The following SPIDR variants were observed in gnomAD, a reference collection of about 807,000 sequenced individuals.
The protein encoded by SPIDR is DNA repair-scaffolding protein.
A neutral mutation model predicts 104.6 loss-of-function variants in SPIDR; 93 were observed. The observed-to-expected ratio is 0.89, with a 90% confidence interval of 0.75 to 1.06. The LOEUF (loss-of-function observed/expected upper bound fraction) is 1.06, where lower values mean the gene tolerates loss of function less well. SPIDR is among the 50% of genes least tolerant of loss of function. The pLI is 0.00. For synonymous variants in SPIDR, 431 were observed against 416.9 expected, an observed-to-expected ratio of 1.03 and a Z score of -0.41; for missense variants, 1,154 against 1,111.2, an observed-to-expected ratio of 1.04 and a Z score of -0.55.
At chr8:47,586,706 G>C (rs2060285511) in intron 8 of SPIDR, among the ~76,000 whole-genome samples, 1 of 152,084 alleles carries the variant, frequency 6.6e-6, no homozygotes, top group African/African-American at 2.4e-5. Flanking sequence ...CCTCCAAAGG[G>C]GGTCTTTCTT....
At chr8:47,729,778 G>C (rs2084906147) in intron 19 of SPIDR, 1 of 289,052 alleles carries the variant, frequency 3.5e-6, no homozygotes, top group Non-Finnish European at 6.4e-6. Context: ...GAGCACAGTG[G>C]CGTGATCTCA....
intron 8 of SPIDR, among the ~76,000 whole-genome samples, chr8:47,506,008 C>G (rs1453157015): frequency 6.6e-6 from 1 of 152,212 alleles, no homozygotes; most frequent in Non-Finnish European, 1.5e-5. Context: ...GAATCTTAAA[C>G]TATAAAATGG....
intron 8 of SPIDR, 49 bp downstream of exon 8, chr8:47,440,591 C>T (rs201467471): frequency 1.5e-5 from 23 of 1,544,190 alleles, no homozygotes; most frequent in African/African-American, 6.9e-5. Flanking sequence ...GAGTCAGCCT[C>T]GTAAGAAAAG....
chr8:47,713,306 TGCTTTTTTA>T (rs1255474185), intron 15 of SPIDR, 174 bp from the exon 16 acceptor site: 3 of 776,760 alleles, frequency 3.9e-6, no homozygotes, highest in Middle Eastern at 3.8e-4. Flanking sequence ...CACATTTGAG[TGCTTTTTTA>T]GCTTAGCTCA....
chr8:47,331,967 TTTTTTTTTTTTTTTTTTTTCTC>T (rs1563646470), intron 5 of SPIDR, among the ~76,000 whole-genome samples: 49 of 52,192 alleles, frequency 9.4e-4, no homozygotes, highest in African/African-American at 2.7e-3. Context: ...TTTTTAAACT[TTTTTTTTTTTTTTTTTTTTCTC>T]TTTTTTTTTT....
chr8:47,274,895 T>G (rs2036073220), intron 1 of SPIDR, among the ~76,000 whole-genome samples: 1 of 150,956 alleles, frequency 6.6e-6, no homozygotes, highest in Non-Finnish European at 1.5e-5. Context: ...TAAACAATTG[T>G]TCTCATTACT....
At chr8:47,370,776 G>A (rs782582697) in intron 5 of SPIDR, among the ~76,000 whole-genome samples, 5 of 151,196 alleles carry the variant, frequency 3.3e-5, no homozygotes, top group African/African-American at 7.3e-5. Context: ...ATATTCTCTC[G>A]CATAGTAGAT....
chr8:47,518,632 C>T (rs2083511007), intron 8 of SPIDR, among the ~76,000 whole-genome samples: 1 of 151,268 alleles, frequency 6.6e-6, no homozygotes, highest in Admixed American at 6.6e-5. Flanking sequence ...CTGAAGTCTT[C>T]TGCTACTTTT....
intron 8 of SPIDR, among the ~76,000 whole-genome samples, chr8:47,467,898 G>T (rs1586215221): frequency 6.6e-6 from 1 of 152,118 alleles, no homozygotes; most frequent in South Asian, 2.1e-4. Flanking sequence ...ATCTAAATAG[G>T]AATAGAGGAA....
intron 8 of SPIDR, among the ~76,000 whole-genome samples, chr8:47,520,119 T>C (rs986349423): frequency 3.9e-5 from 6 of 152,198 alleles, no homozygotes; most frequent in Non-Finnish European, 8.8e-5. Context: ...GAGTATCTGT[T>C]ATTTGATTCC....
chr8:47,715,717 T>G (rs559439376), intron 16 of SPIDR, among the ~76,000 whole-genome samples: 6 of 152,366 alleles, frequency 3.9e-5, no homozygotes, highest in Admixed American at 6.5e-5. Context: ...ATGCCACATT[T>G]TGTTTATCCT....
intron 8 of SPIDR, among the ~76,000 whole-genome samples, chr8:47,521,873 T>C (rs1167787289): frequency 1.3e-5 from 2 of 151,982 alleles, no homozygotes; most frequent in East Asian, 3.9e-4. Flanking sequence ...CTTAGAAATA[T>C]ATGAATGAGG....
intron 1 of SPIDR, among the ~76,000 whole-genome samples, chr8:47,269,692 A>G (rs1316904141): frequency 2.0e-5 from 3 of 152,178 alleles, no homozygotes; most frequent in Non-Finnish European, 2.9e-5. Context: ...CCTCCAGTCA[A>G]ATATTGAATG....
At chr8:47,648,258 A>G (rs2070942173) in intron 10 of SPIDR, among the ~76,000 whole-genome samples, 1 of 152,176 alleles carries the variant, frequency 6.6e-6, no homozygotes, top group Non-Finnish European at 1.5e-5. Context: ...ATCCAGAAGG[A>G]TTCTAAGGTT....
intron 8 of SPIDR, among the ~76,000 whole-genome samples, chr8:47,461,004 G>A (rs193126885): frequency 5.8e-4 from 88 of 152,326 alleles, no homozygotes; most frequent in African/African-American, 2.1e-3. Context: ...CTTCTAACTT[G>A]TAGGGTGTCT....
rs190177171 is a variant in SPIDR, at chr8:47,329,674, T to C, written c.525+35644T>C. On this transcript the variant is annotated intron_variant, in intron 5 of 19. Transcript: ENST00000297423. ...CCTCCTTTTTATGCTATTATTGTTA[T>C]ACATATTGTATCTGTTATAATTATT... is the stretch of plus-strand genomic sequence containing the variant. Among the ~76,000 whole-genome samples, 246 of 152,350 alleles carry C rather than the reference T, an allele frequency of 1.6e-3. 1 individual carries two copies. Among genetic ancestry groups the C allele is most frequent in the South Asian group, 0.012 (59 of 4,828 alleles).
At chr8:47,335,113 C>T (rs1347751913) in intron 5 of SPIDR, among the ~76,000 whole-genome samples, 1 of 152,096 alleles carries the variant, frequency 6.6e-6, no homozygotes, top group African/African-American at 2.4e-5. Flanking sequence ...TAATTGAATA[C>T]ATGTTGCTGT....
At chr8:47,263,624 A>G (rs1274456400) in intron 1 of SPIDR, among the ~76,000 whole-genome samples, 1 of 152,076 alleles carries the variant, frequency 6.6e-6, no homozygotes, top group South Asian at 2.1e-4. Context: ...CGGCCATGAA[A>G]TCTTAATCAT....
At chr8:47,613,207 T>G (rs1192573778) in intron 10 of SPIDR, among the ~76,000 whole-genome samples, 1 of 152,200 alleles carries the variant, frequency 6.6e-6, no homozygotes, top group Admixed American at 6.5e-5. Context: ...TTTCTGTGTA[T>G]TTGTCTATTC....
Sources: gnomAD v4.1 joint callset for allele counts (sites outside exome capture counted in the v4.1 genomes callset) on GRCh38, gnomAD v4.1.1 for gene constraint, MANE v1.5 for transcripts, NCBI Gene and HGNC (gene_info 2026-07-23, HGNC 2026-07-21) for gene names.